KSR2: variants seen among roughly 807,000 people sequenced by gnomAD.
KSR2 encodes kinase suppressor of ras 2.
In KSR2, 25 loss-of-function variants were observed where a neutral mutation model predicts 107.8. The ratio of observed to expected loss-of-function variants is 0.23; its 90% CI spans 0.17 to 0.32. The LOEUF is 0.32. Among genes scored for constraint, KSR2 ranks in the 10% least tolerant of loss-of-function variants. KSR2 has a pLI of 1.00. For synonymous variants in KSR2, 480 were observed against 507.0 expected (o/e 0.95, Z 0.71); for missense variants, 887 against 1,268.9 (o/e 0.70, Z 4.57).
rs530548945 is a variant in KSR2, at chr12:117,864,844, C to A, written c.181-4413G>T. ...TCATCTAAACTAATTACATCTGCAA[C>A]AACCCTATTTCCAGATAAGGTCATA... is the stretch of plus-strand genomic sequence containing the variant. On this transcript the variant is annotated intron_variant, in intron 1 of 19. Coordinates refer to ENST00000339824, the MANE Select transcript of KSR2 (RefSeq NM_173598.6). Among the ~76,000 whole-genome samples the A allele has an allele frequency of 5.9e-5, 9 of 152,266 alleles. 1 individual carries two copies. In the South Asian group the frequency reaches 1.9e-3, roughly 32 times the overall value.
chr12:117,471,084 AC>A, intron 18 of KSR2, 106 bp downstream of exon 18: 1 of 1,364,546 alleles, frequency 7.3e-7, no homozygotes, highest in Non-Finnish European at 9.7e-7. Context: ...TTTTTTGGTC[AC>A]CCTATGGGAA....
At chr12:117,788,200 C>A (rs1016020211) in intron 3 of KSR2, among the ~76,000 whole-genome samples, 1 of 152,166 alleles carries the variant, frequency 6.6e-6, no homozygotes, top group Non-Finnish European at 1.5e-5. Flanking sequence ...CTAATAGTTA[C>A]CAAGATCTCC....
intron 4 of KSR2, among the ~76,000 whole-genome samples, chr12:117,672,387 T>G (rs1484751868): frequency 6.6e-6 from 1 of 152,190 alleles, no homozygotes; most frequent in Non-Finnish European, 1.5e-5. Context: ...GAAAGTGATC[T>G]CGGTTTCCTC....
chr12:117,631,375 G>T (rs1196420182), intron 5 of KSR2, among the ~76,000 whole-genome samples: 6 of 152,194 alleles, frequency 3.9e-5, no homozygotes, highest in Admixed American at 3.9e-4. Context: ...CTAGAGAGAT[G>T]CAATTTTAAA....
At chr12:117,968,002 G>A in intron 1 of KSR2, 74 bp downstream of exon 1, 1 of 1,332,722 alleles carries the variant, frequency 7.5e-7, no homozygotes, top group Non-Finnish European at 1.0e-6. Flanking sequence ...GGGACCGTGG[G>A]GAGAAAGGAG....
At chr12:117,824,639 G>A (rs1261860875) in intron 3 of KSR2, among the ~76,000 whole-genome samples, 7 of 151,370 alleles carry the variant, frequency 4.6e-5, no homozygotes, top group Admixed American at 3.3e-4. Flanking sequence ...GGCGGATCAC[G>A]AGGTCAGGAG....
At chr12:117,687,106 G>A (rs915366595) in intron 4 of KSR2, among the ~76,000 whole-genome samples, 1 of 152,192 alleles carries the variant, frequency 6.6e-6, no homozygotes, top group Non-Finnish European at 1.5e-5. Context: ...ATTCTGTGAT[G>A]CTGCTCCCTC....
chr12:117,617,754 T>A (rs781592761), intron 5 of KSR2, among the ~76,000 whole-genome samples: 3 of 152,194 alleles, frequency 2.0e-5, no homozygotes, highest in Non-Finnish European at 2.9e-5. Flanking sequence ...TTCTGTTTCT[T>A]CATTGTGGTA....
chr12:117,960,600 A>G (rs1226540734), intron 1 of KSR2, among the ~76,000 whole-genome samples: 1 of 152,140 alleles, frequency 6.6e-6, no homozygotes, highest in Non-Finnish European at 1.5e-5. Flanking sequence ...AGATAAACAC[A>G]ACCACAAGTG....
chr12:117,555,072 G>T, intron 9 of KSR2, 97 bp downstream of exon 9: 1 of 1,467,902 alleles, frequency 6.8e-7, no homozygotes, highest in Non-Finnish European at 9.4e-7. Flanking sequence ...GGGCTAGGAG[G>T]GAGCGCCATA....
intron 3 of KSR2, among the ~76,000 whole-genome samples, chr12:117,806,522 A>C (rs920456210): frequency 6.6e-6 from 1 of 152,228 alleles, no homozygotes; most frequent in Non-Finnish European, 1.5e-5. Context: ...GGAAATTTAC[A>C]AAACATGAAA....
intron 5 of KSR2, among the ~76,000 whole-genome samples, chr12:117,619,457 T>G (rs1882056937): frequency 6.6e-6 from 1 of 151,714 alleles, no homozygotes; most frequent in Non-Finnish European, 1.5e-5. Flanking sequence ...TGAGAACATG[T>G]GGTGTTTGGT....
At chr12:117,830,022 C>G (rs1030688595) in intron 3 of KSR2, among the ~76,000 whole-genome samples, 1 of 152,152 alleles carries the variant, frequency 6.6e-6, no homozygotes, top group Non-Finnish European at 1.5e-5. Flanking sequence ...AATCCCAGCA[C>G]TCTGGGAGGC....
At chr12:117,601,898 G>C (rs1009883862) in intron 5 of KSR2, among the ~76,000 whole-genome samples, 2 of 152,268 alleles carry the variant, frequency 1.3e-5, no homozygotes, top group Admixed American at 1.3e-4. Flanking sequence ...GAAGGATCTA[G>C]AGCTAGGCCC....
At chr12:117,742,990 G>A (rs894538216) in intron 4 of KSR2, among the ~76,000 whole-genome samples, 3 of 152,178 alleles carry the variant, frequency 2.0e-5, no homozygotes, top group Middle Eastern at 3.4e-3. Flanking sequence ...CGCTTTCCTC[G>A]GACCATCACA....
chr12:117,624,632 T>TAA (rs1882369315), intron 5 of KSR2, among the ~76,000 whole-genome samples: 1 of 152,192 alleles, frequency 6.6e-6, no homozygotes, highest in South Asian at 2.1e-4. Context: ...TAGGATAGCT[T>TAA]AAAGTCAGGT....
At chr12:117,863,647 A>G (rs1893383221) in intron 1 of KSR2, among the ~76,000 whole-genome samples, 1 of 152,132 alleles carries the variant, frequency 6.6e-6, no homozygotes, top group Non-Finnish European at 1.5e-5. Flanking sequence ...ATGAATAACC[A>G]CATACTAAGT....
Position 117,725,857 on chromosome 12 carries a change from G to A in KSR2, c.986+35154C>T, listed in dbSNP as rs574368727. 3.3e-5 allele frequency among the ~76,000 whole-genome samples: 5 copies of A among 152,250 alleles called. No individual in the cohort carries two copies. In the South Asian group the frequency reaches 1.0e-3, roughly 32 times the overall value. ...CCCGACTCAAGAGGGGGAGGCACAA[G>A]AATCACTTAAACCCAGGAGGTAGAG... is the stretch of plus-strand genomic sequence containing the variant. On this transcript the variant is annotated intron_variant, in intron 4 of 19. Coordinates refer to ENST00000339824, the MANE Select transcript of KSR2 (RefSeq NM_173598.6).
In KSR2 at chr12:117,632,291, C is replaced by T. The variant is rs184284510; in HGVS notation, c.1171+35183G>A. On this transcript the variant is annotated intron_variant, in intron 5 of 19. Coordinates refer to ENST00000339824, the MANE Select transcript of KSR2 (RefSeq NM_173598.6). ...CTGGGTTGGAGTGCAGTGGCGCAAT[C>T]TTGGTTCACTGCAACCTCCACCTCC... 7.2e-5 allele frequency among the ~76,000 whole-genome samples: 9 copies of T among 124,372 alleles called. No homozygotes were observed. In the East Asian group the frequency reaches 2.3e-3, roughly 32 times the overall value. 81.6% of individuals were successfully genotyped at this position (124,372 alleles called of 152,430 possible). A position where few individuals can be genotyped will look rare whatever the true frequency, so the allele number is the denominator to read the frequency against.
Sources: gnomAD v4.1 joint callset for allele counts (sites outside exome capture counted in the v4.1 genomes callset) on GRCh38, gnomAD v4.1.1 for gene constraint, MANE v1.5 for transcripts, NCBI Gene and HGNC (gene_info 2026-07-23, HGNC 2026-07-21) for gene names.